IGF2BP3: variants seen among roughly 807,000 people sequenced by gnomAD.
IGF2BP3 encodes the protein insulin like growth factor 2 mRNA binding protein 3.
Under a neutral mutation model 73.8 loss-of-function variants are expected in IGF2BP3, and 9 were observed. The ratio of observed to expected loss-of-function variants is 0.12; its 90% CI spans 0.07 to 0.21. IGF2BP3 has a LOEUF of 0.21. Among genes scored for constraint, IGF2BP3 ranks in the 10% least tolerant of loss-of-function variants. The pLI is 1.00. For missense variants in IGF2BP3, 542 were observed against 714.0 expected, an observed-to-expected ratio of 0.76 and a Z score of 2.75; for synonymous variants, 258 against 256.7, an observed-to-expected ratio of 1.01 and a Z score of -0.05.
At chr7:23,442,609 G>T (rs1318308666) in intron 2 of IGF2BP3, among the ~76,000 whole-genome samples, 1 of 152,052 alleles carries the variant, frequency 6.6e-6, no homozygotes, top group Admixed American at 6.6e-5. Context: ...TGTTGGTCAG[G>T]CTGGTCTCGA....
intron 2 of IGF2BP3, among the ~76,000 whole-genome samples, chr7:23,433,718 G>A (rs904220733): frequency 1.3e-5 from 2 of 151,092 alleles, no homozygotes; most frequent in African/African-American, 4.8e-5. Context: ...ATTGAACAGA[G>A]CTTATCTAAA....
intron 10 of IGF2BP3, among the ~76,000 whole-genome samples, chr7:23,331,663 C>G (rs1378429135): frequency 6.6e-6 from 1 of 151,956 alleles, no homozygotes; most frequent in Non-Finnish European, 1.5e-5. Context: ...AGTTCGAGAC[C>G]AACCTGGGCA....
At chr7:23,464,253 A>G (rs924397370) in intron 2 of IGF2BP3, among the ~76,000 whole-genome samples, 4 of 152,232 alleles carry the variant, frequency 2.6e-5, no homozygotes, top group African/African-American at 9.6e-5. Flanking sequence ...GTTACATTTA[A>G]AACCCCGATG....
intron 9 of IGF2BP3, among the ~76,000 whole-genome samples, chr7:23,342,925 G>C (rs1170943101): frequency 6.6e-6 from 1 of 152,146 alleles, no homozygotes; most frequent in Non-Finnish European, 1.5e-5. Context: ...GTGTAAAATG[G>C]CTAGCATTCT....
At chr7:23,382,454 C>G (rs1785942966) in intron 3 of IGF2BP3, among the ~76,000 whole-genome samples, 1 of 151,852 alleles carries the variant, frequency 6.6e-6, no homozygotes, top group Non-Finnish European at 1.5e-5. Context: ...GAAATATTCT[C>G]TCATTGTTTA....
intron 3 of IGF2BP3, among the ~76,000 whole-genome samples, chr7:23,398,676 T>C (rs1305246416): frequency 6.6e-6 from 1 of 152,216 alleles, no homozygotes; most frequent in Non-Finnish European, 1.5e-5. Context: ...ATGATGAGCA[T>C]TTTTTCATGT....
intron 2 of IGF2BP3, among the ~76,000 whole-genome samples, chr7:23,425,039 C>T (rs373468268): frequency 2.6e-5 from 4 of 152,304 alleles, no homozygotes; most frequent in Non-Finnish European, 5.9e-5. Context: ...AGCTTTATTT[C>T]AACATAACCA....
At chr7:23,395,610 C>G (rs535453984) in intron 3 of IGF2BP3, among the ~76,000 whole-genome samples, 1 of 150,674 alleles carries the variant, frequency 6.6e-6, no homozygotes, top group Non-Finnish European at 1.5e-5. Context: ...CCCACCCCCC[C>G]AAAAAAAGAA....
chr7:23,332,900 C>G (rs1293205972), intron 10 of IGF2BP3, among the ~76,000 whole-genome samples: 1 of 152,174 alleles, frequency 6.6e-6, no homozygotes, highest in Non-Finnish European at 1.5e-5. Context: ...AATATTTTAT[C>G]TCACTAAGAA....
At chr7:23,396,025 C>CA (rs1337549297) in intron 3 of IGF2BP3, among the ~76,000 whole-genome samples, 1 of 136,916 alleles carries the variant, frequency 7.3e-6, no homozygotes, top group African/African-American at 2.7e-5. Context: ...CACCCCTACA[C>CA]AAAAAAATCC....
chr7:23,378,213 T>C lies in IGF2BP3; in HGVS notation c.286-16472A>G, dbSNP rs539265150. 3.3e-5 allele frequency among the ~76,000 whole-genome samples: 5 copies of C among 152,268 alleles called. No individual in the cohort carries two copies. The South Asian group carries it at 1.0e-3, about 32-fold the overall frequency. ...AATGCCTAATCATTAAACTGAACTA[T>C]TAGTCACGGAATAATGTTGCCATTG... On this transcript the variant is annotated intron_variant, in intron 3 of 14. Coordinates refer to ENST00000258729, the MANE Select transcript of IGF2BP3 (RefSeq NM_006547.3).
At chr7:23,322,873 A>G (rs1784195871) in intron 10 of IGF2BP3, among the ~76,000 whole-genome samples, 1 of 152,212 alleles carries the variant, frequency 6.6e-6, no homozygotes, top group African/African-American at 2.4e-5. Flanking sequence ...GCAAATGCCG[A>G]GAGATTTTGT....
At chr7:23,377,126 A>G (rs975463494) in intron 3 of IGF2BP3, among the ~76,000 whole-genome samples, 2 of 152,174 alleles carry the variant, frequency 1.3e-5, no homozygotes, top group Non-Finnish European at 2.9e-5. Context: ...AAACTGTGCT[A>G]AAAAGAAAAG....
intron 3 of IGF2BP3, chr7:23,402,758 G>T (rs1325074561): frequency 6.6e-6 from 1 of 152,080 alleles, no homozygotes; most frequent in African/African-American, 2.4e-5. Context: ...AAATTTCATT[G>T]TAATAATTTA....
chr7:23,354,105 T>C (rs1052270763), intron 5 of IGF2BP3, among the ~76,000 whole-genome samples: 1 of 152,226 alleles, frequency 6.6e-6, no homozygotes, highest in East Asian at 1.9e-4. Flanking sequence ...GCAATTCTCC[T>C]GCCTCGGCCT....
At chr7:23,339,078 C>A (rs1583905463) in intron 10 of IGF2BP3, among the ~76,000 whole-genome samples, 1 of 152,266 alleles carries the variant, frequency 6.6e-6, no homozygotes, top group Admixed American at 6.5e-5. Flanking sequence ...TACATCTTTG[C>A]AGCTCTTGCC....
At chr7:23,327,979 G>T (rs768083199) in intron 10 of IGF2BP3, among the ~76,000 whole-genome samples, 2 of 152,114 alleles carry the variant, frequency 1.3e-5, no homozygotes, top group South Asian at 4.1e-4. Flanking sequence ...AGGCCATTCC[G>T]TAGGTCACAG....
intron 3 of IGF2BP3, among the ~76,000 whole-genome samples, chr7:23,361,997 A>C (rs1375841498): frequency 6.6e-6 from 1 of 152,218 alleles, no homozygotes; most frequent in African/African-American, 2.4e-5. Context: ...AAGTATGCAA[A>C]GCCACAGCCG....
intron 3 of IGF2BP3, among the ~76,000 whole-genome samples, chr7:23,407,771 A>C (rs188488894): frequency 1.3e-5 from 2 of 152,272 alleles, no homozygotes; most frequent in African/African-American, 4.8e-5. Flanking sequence ...CCTGATAACA[A>C]AATCAATGGC....
Sources: gnomAD v4.1 joint callset for allele counts (sites outside exome capture counted in the v4.1 genomes callset) on GRCh38, gnomAD v4.1.1 for gene constraint, MANE v1.5 for transcripts, NCBI Gene and HGNC (gene_info 2026-07-23, HGNC 2026-07-21) for gene names.